Variants in CYSLTR1 observed in about 807,000 individuals in gnomAD.
The protein encoded by CYSLTR1 is G-protein coupled receptor HG55.
In CYSLTR1, 1 loss-of-function variant was observed where a neutral mutation model predicts 2.1. The observed-to-expected ratio is 0.48, with a 90% CI of 0.17 to 2.28. The LOEUF is 2.28. Among genes scored for constraint, CYSLTR1 ranks in the 30% most tolerant of loss-of-function variants. CYSLTR1 has a pLI of 0.26. For synonymous variants in CYSLTR1, 110 were observed against 89.6 expected (o/e 1.23, Z -1.28); for missense variants, 299 against 250.1 (o/e 1.20, Z -1.32).
intron 1 of CYSLTR1, among the ~76,000 whole-genome samples, chrX:78,294,202 T>C (rs1441945198): frequency 3.5e-5 from 4 of 112,782 alleles, no homozygotes; most frequent in Non-Finnish European, 7.5e-5. Flanking sequence ...GTTTTCCTTC[T>C]AACAGTCAGG....
rs1921881303 is a variant in CYSLTR1, at chrX:78,282,441, C to T, written c.-28+1013G>A. Among the ~76,000 whole-genome samples, 2 of 112,397 alleles carry T rather than the reference C, an allele frequency of 1.8e-5. 1 individual carries two copies. The highest frequency in any genetic ancestry group is 6.5e-5 in the African/African-American group (2 of 30,963). On this transcript the variant is annotated intron_variant, in intron 2 of 2. Transcript: ENST00000373304. ...TAAATTAATGATAGGACAAGTTTAA[C>T]ATTTGAAGGTATTATTTGTCATTTA...
chrX:78,315,292 A>G (rs181252864), intron 1 of CYSLTR1, among the ~76,000 whole-genome samples: 95 of 110,328 alleles, frequency 8.6e-4, no homozygotes, highest in African/African-American at 3.1e-3. Context: ...GTCTTTGGTG[A>G]CACAGAGCTG....
At chrX:78,312,298 A>C (rs1347065369) in intron 1 of CYSLTR1, among the ~76,000 whole-genome samples, 1 of 111,147 alleles carries the variant, frequency 9.0e-6, no homozygotes, top group Non-Finnish European at 1.9e-5. Context: ...TGGACCCTAT[A>C]CCTCTCACTA....
At chrX:78,315,680 T>C (rs948767271) in intron 1 of CYSLTR1, among the ~76,000 whole-genome samples, 3 of 111,263 alleles carry the variant, frequency 2.7e-5, no homozygotes, top group South Asian at 3.8e-4. Context: ...TGCTTTGGAA[T>C]GGGGAGGGAA....
At chrX:78,278,583 C>T (rs1005968359) in intron 2 of CYSLTR1, among the ~76,000 whole-genome samples, 1 of 112,394 alleles carries the variant, frequency 8.9e-6, no homozygotes, top group African/African-American at 3.2e-5. Context: ...AAACTACCAA[C>T]AGCACTTTTC....
At chrX:78,312,300 C>G (rs964101705) in intron 1 of CYSLTR1, among the ~76,000 whole-genome samples, 1 of 111,190 alleles carries the variant, frequency 9.0e-6, no homozygotes, top group African/African-American at 3.3e-5. Flanking sequence ...GACCCTATAC[C>G]TCTCACTATA....
chrX:78,292,316 G>A (rs1180170959), intron 1 of CYSLTR1, among the ~76,000 whole-genome samples: 1 of 112,142 alleles, frequency 8.9e-6, no homozygotes, highest in Non-Finnish European at 1.9e-5. Context: ...TAATTTGATT[G>A]CACTGTTGTC....
intron 1 of CYSLTR1, among the ~76,000 whole-genome samples, chrX:78,284,772 A>AG (rs1450486785): frequency 1.8e-5 from 2 of 110,469 alleles, no homozygotes; most frequent in East Asian, 2.8e-4. Flanking sequence ...AAAAAAAAAA[A>AG]AAAGAAAAAA....
rs372421900 is a variant in CYSLTR1, at chrX:78,272,845, T to A, written c.902A>T (p.Asn301Ile). Residue 301 changes from asparagine to isoleucine, a missense_variant, in exon 3 of 3, where the codon AAC becomes ATC. Physicochemically the swap from Asn to Ile is moderately radical, Grantham distance 149. Transcript: ENST00000373304. ...DPLLYFFSGG[N>I]FRKRLSTFRK... ...GAATGTAGACAGCCTTTTCCTAAAG[T>A]TACCCCCAGAAAAGAAATATAGGAG... The A allele has an allele frequency of 8.3e-7, 1 of 1,209,143 alleles. No individual in the cohort carries two copies. The highest frequency in any genetic ancestry group is 1.8e-5 in the African/African-American group (1 of 56,959).
Position 78,327,288 on chromosome X carries a change from AT to A in CYSLTR1, c.-115+16del, listed in dbSNP as rs1923893358. The A allele has an allele frequency of 8.9e-6, 1 of 112,234 alleles. No homozygotes were observed. The highest frequency in any genetic ancestry group is 9.4e-5 in the Admixed American group (1 of 10,602). The allele number at this position is 112,234 out of a possible 1,213,427, so 9.2% of individuals were successfully genotyped here. On this transcript the variant is annotated intron_variant, in intron 1 of 2. Coordinates refer to ENST00000373304, the MANE Select transcript of CYSLTR1 (RefSeq NM_006639.4). ...CATACTGTTCTGGTCTTAGTACTGA[AT>A]ACTGAGTCTCCTTACCTGCTAACTT... is the stretch of plus-strand genomic sequence containing the variant.
At chrX:78,320,064 A>G (rs1319921558) in intron 1 of CYSLTR1, 4 of 111,621 alleles carry the variant, frequency 3.6e-5, no homozygotes, top group African/African-American at 1.3e-4. Context: ...TAGGTTGCCT[A>G]TTCACTCTGA....
intron 1 of CYSLTR1, among the ~76,000 whole-genome samples, chrX:78,315,664 C>T (rs1923388609): frequency 9.0e-6 from 1 of 111,368 alleles, no homozygotes; most frequent in African/African-American, 3.3e-5. Flanking sequence ...TGAGATGAGG[C>T]TTCTCTGCTT....
At chrX:78,287,967 T>C (rs1490955365) in intron 1 of CYSLTR1, among the ~76,000 whole-genome samples, 5 of 111,433 alleles carry the variant, frequency 4.5e-5, no homozygotes, top group Non-Finnish European at 5.7e-5. Context: ...ACAGCTGTTT[T>C]TAAGGGACAT....
At chrX:78,308,416 A>G (rs1432141500) in intron 1 of CYSLTR1, among the ~76,000 whole-genome samples, 1 of 111,900 alleles carries the variant, frequency 8.9e-6, no homozygotes, top group Non-Finnish European at 1.9e-5. Flanking sequence ...CTATTAATTT[A>G]ATTAATTCAG....
At chrX:78,274,618 T>C (rs1185850831) in intron 2 of CYSLTR1, among the ~76,000 whole-genome samples, 1 of 110,868 alleles carries the variant, frequency 9.0e-6, no homozygotes, top group Non-Finnish European at 1.9e-5. Context: ...CCTAAAACCA[T>C]AAAAACCCTA....
chrX:78,279,932 T>C (rs1010394846), intron 2 of CYSLTR1, among the ~76,000 whole-genome samples: 4 of 111,224 alleles, frequency 3.6e-5, no homozygotes, highest in African/African-American at 1.3e-4. Context: ...ACAGTATACA[T>C]TGGAGACTAC....
intron 1 of CYSLTR1, among the ~76,000 whole-genome samples, chrX:78,309,520 G>C (rs926359624): frequency 1.8e-5 from 2 of 111,771 alleles, no homozygotes; most frequent in African/African-American, 6.5e-5. Context: ...ACAAGGATTT[G>C]AGACCAAATA....
chrX:78,318,688 A>G (rs767892165), intron 1 of CYSLTR1, among the ~76,000 whole-genome samples: 2 of 111,776 alleles, frequency 1.8e-5, no homozygotes, highest in Non-Finnish European at 3.8e-5. Flanking sequence ...AATTTCAAAC[A>G]TATTTTCAGA....
chrX:78,309,395 C>A (rs1923140569), intron 1 of CYSLTR1, among the ~76,000 whole-genome samples: 1 of 111,730 alleles, frequency 9.0e-6, no homozygotes, highest in Non-Finnish European at 1.9e-5. Context: ...AAATTTGATT[C>A]TCTAAGGTGT....
Sources: gnomAD v4.1 joint callset for allele counts (sites outside exome capture counted in the v4.1 genomes callset) on GRCh38, gnomAD v4.1.1 for gene constraint, MANE v1.5 for transcripts, NCBI Gene and HGNC (gene_info 2026-07-23, HGNC 2026-07-21) for gene names.